LRRTM4: variants seen among roughly 807,000 people sequenced by gnomAD.
LRRTM4 encodes leucine-rich repeat transmembrane neuronal protein 4.
LRRTM4 carries 25 observed loss-of-function variants against 47.6 expected under a neutral mutation model. That is an observed-to-expected ratio of 0.53 (90% CI 0.38 to 0.73). LRRTM4 has a LOEUF of 0.73. Ranked by LOEUF, LRRTM4 falls within the 30% of genes least tolerant of loss-of-function variation. LRRTM4 has a pLI of 0.00. For synonymous variants in LRRTM4, 311 were observed against 269.5 expected (o/e 1.15, Z -1.51); for missense variants, 638 against 713.4 (o/e 0.89, Z 1.20).
At chr2:77,226,916 C>T (rs1013593572) in intron 3 of LRRTM4, among the ~76,000 whole-genome samples, 2 of 151,950 alleles carry the variant, frequency 1.3e-5, no homozygotes, top group Non-Finnish European at 2.9e-5. Flanking sequence ...AACTGAGTCG[C>T]CCAATTCAAC....
chr2:76,953,550 G>A (rs1343629551), intron 3 of LRRTM4, among the ~76,000 whole-genome samples: 1 of 151,760 alleles, frequency 6.6e-6, no homozygotes, highest in Non-Finnish European at 1.5e-5. Context: ...CATCATTTTT[G>A]GGAAGCTGCC....
At chr2:77,292,981 T>C (rs994265470) in intron 3 of LRRTM4, among the ~76,000 whole-genome samples, 2 of 151,856 alleles carry the variant, frequency 1.3e-5, no homozygotes, top group African/African-American at 4.8e-5. Context: ...AAACTTAAAG[T>C]ATAATAATAA....
intron 3 of LRRTM4, among the ~76,000 whole-genome samples, chr2:77,091,683 G>C (rs1670646907): frequency 1.3e-5 from 2 of 149,198 alleles, no homozygotes; most frequent in African/African-American, 4.9e-5. Context: ...CTTTCACTTG[G>C]ACTGACCCTG....
intron 3 of LRRTM4, among the ~76,000 whole-genome samples, chr2:77,223,451 T>A (rs1005132480): frequency 5.3e-5 from 8 of 152,280 alleles, no homozygotes; most frequent in Admixed American, 2.0e-4. Context: ...ATTGTATATC[T>A]AGAAAACCCC....
At chr2:77,020,623 C>A (rs553428160) in intron 3 of LRRTM4, among the ~76,000 whole-genome samples, 1 of 152,026 alleles carries the variant, frequency 6.6e-6, no homozygotes, top group Admixed American at 6.6e-5. Context: ...AGTAACATAA[C>A]GAACAAAAAG....
chr2:77,224,877 A>G (rs1674756625), intron 3 of LRRTM4, among the ~76,000 whole-genome samples: 2 of 152,080 alleles, frequency 1.3e-5, no homozygotes, highest in South Asian at 2.1e-4. Flanking sequence ...TATACCCAAA[A>G]GATTGTAAAT....
intron 3 of LRRTM4, among the ~76,000 whole-genome samples, chr2:76,998,796 G>A (rs1677302825): frequency 6.7e-6 from 1 of 149,420 alleles, no homozygotes; most frequent in Admixed American, 6.7e-5. Flanking sequence ...TTAACATCAG[G>A]CGTACATTGA....
chr2:76,827,988 C>G (rs1671234363), intron 3 of LRRTM4, among the ~76,000 whole-genome samples: 1 of 151,872 alleles, frequency 6.6e-6, no homozygotes. Flanking sequence ...TGCTTTTACT[C>G]TTGGGAAATA....
intron 3 of LRRTM4, among the ~76,000 whole-genome samples, chr2:77,085,471 CTAAAATTAT>C (rs1374138937): frequency 2.7e-5 from 4 of 150,642 alleles, no homozygotes; most frequent in Admixed American, 1.3e-4. Flanking sequence ...TTAACTTATA[CTAAAATTAT>C]TAAAATTATT....
intron 3 of LRRTM4, among the ~76,000 whole-genome samples, chr2:77,329,064 G>A (rs1271202906): frequency 3.3e-5 from 5 of 152,180 alleles, no homozygotes; most frequent in African/African-American, 1.2e-4. Flanking sequence ...GATATCAACA[G>A]AGTCTCCTGA....
At chr2:77,310,054 C>CT (rs1200662106) in intron 3 of LRRTM4, among the ~76,000 whole-genome samples, 1 of 151,968 alleles carries the variant, frequency 6.6e-6, no homozygotes, top group African/African-American at 2.4e-5. Flanking sequence ...ACAAAAAAAA[C>CT]TTTTTTTGGC....
intron 3 of LRRTM4, among the ~76,000 whole-genome samples, chr2:76,860,153 T>G: frequency 6.6e-6 from 1 of 152,148 alleles, no homozygotes; most frequent in Admixed American, 6.6e-5. Context: ...CAATATATTC[T>G]AATGATATCA....
At chr2:76,849,351 T>A (rs1284063983) in intron 3 of LRRTM4, among the ~76,000 whole-genome samples, 1 of 152,124 alleles carries the variant, frequency 6.6e-6, no homozygotes, top group Non-Finnish European at 1.5e-5. Context: ...ATCTCACTTC[T>A]TGAAAAATGA....
intron 3 of LRRTM4, among the ~76,000 whole-genome samples, chr2:76,817,914 T>C (rs1670947397): frequency 6.6e-6 from 1 of 151,954 alleles, no homozygotes; most frequent in African/African-American, 2.4e-5. Flanking sequence ...TTGTGTTATT[T>C]AGCATAAAGC....
intron 3 of LRRTM4, among the ~76,000 whole-genome samples, chr2:77,286,228 T>C (rs1192787652): frequency 6.6e-6 from 1 of 152,090 alleles, no homozygotes. Context: ...ATCCAGATTT[T>C]TGAATTGGTT....
At chr2:77,044,541 GGTGTGTGTGTCTGTGAGTGT>G (rs1029558298) in intron 3 of LRRTM4, among the ~76,000 whole-genome samples, 3 of 151,354 alleles carry the variant, frequency 2.0e-5, no homozygotes, top group Admixed American at 6.6e-5. Context: ...ATTAGTCAAG[GGTGTGTGTGTCTGTGAGTGT>G]GTGTGTGTGC....
At position 77,181,919 on chromosome 2, in the gene LRRTM4, C is replaced by A. The variant is rs1337811480; in HGVS notation, c.1551+336399G>T. Reference sequence around the variant, plus strand: ...TGGTGATTATTAAAAAGTCAAGAAACAATAGATGCTGGTGAGTCTGTGGAG... The same window carrying A: ...TGGTGATTATTAAAAAGTCAAGAAAAAATAGATGCTGGTGAGTCTGTGGAG... On this transcript the variant is annotated intron_variant, in intron 3 of 3. Transcript: ENST00000409884. 3.9e-5 allele frequency among the ~76,000 whole-genome samples: 6 copies of A among 152,198 alleles called. No homozygotes were observed. In the South Asian group the frequency reaches 1.2e-3, roughly 32 times the overall value.
intron 3 of LRRTM4, among the ~76,000 whole-genome samples, chr2:77,164,888 A>G (rs901092783): frequency 1.3e-5 from 2 of 152,184 alleles, no homozygotes; most frequent in Admixed American, 6.5e-5. Flanking sequence ...ACACCCTAAC[A>G]TCACAATTAA....
At chr2:77,325,603 A>G (rs143331727) in intron 3 of LRRTM4, among the ~76,000 whole-genome samples, 6 of 152,134 alleles carry the variant, frequency 3.9e-5, no homozygotes, top group African/African-American at 1.4e-4. Flanking sequence ...TGCTAACACA[A>G]TTCTCTCTAA....
Sources: gnomAD v4.1 joint callset for allele counts (sites outside exome capture counted in the v4.1 genomes callset) on GRCh38, gnomAD v4.1.1 for gene constraint, MANE v1.5 for transcripts, NCBI Gene and HGNC (gene_info 2026-07-23, HGNC 2026-07-21) for gene names.